The following ZNF385C variants were observed in gnomAD, a reference collection of about 807,000 sequenced individuals.
ZNF385C encodes CTD-2132N18.2.
A neutral mutation model predicts 35.4 loss-of-function variants in ZNF385C; 28 were observed. The ratio of observed to expected loss-of-function variants is 0.79; its 90% CI spans 0.59 to 1.08. The LOEUF is 1.08. Among genes scored for constraint, ZNF385C ranks in the 50% least tolerant of loss-of-function variants. The pLI is 0.00. For missense variants in ZNF385C, 605 were observed against 595.6 expected, an observed-to-expected ratio of 1.02 and a Z score of -0.16; for synonymous variants, 248 against 248.2, an observed-to-expected ratio of 1.00 and a Z score of 0.01.
intron 1 of ZNF385C, among the ~76,000 whole-genome samples, chr17:42,081,867 T>TCAG (rs1340523165): frequency 6.6e-6 from 1 of 152,186 alleles, no homozygotes; most frequent in Non-Finnish European, 1.5e-5. Flanking sequence ...GGGTTCAGAT[T>TCAG]CAGGAGCCTG....
chr17:42,028,368 T>C, intron 6 of ZNF385C, 122 bp from the exon 7 acceptor site: 1 of 1,005,688 alleles, frequency 9.9e-7, no homozygotes, highest in Non-Finnish European at 1.4e-6. Context: ...TGTGCACACA[T>C]CGCCCTCCAG....
chr17:42,026,550 G>C lies in ZNF385C; in HGVS notation c.*347C>G. On this transcript the variant is annotated 3_prime_UTR_variant, in exon 9 of 9. Coordinates refer to ENST00000692273, the MANE Select transcript of ZNF385C (RefSeq NM_001392013.1). ...GAGAGTCGTCCCCTGGCTAGGAGAG[G>C]ATGGCTTGTAGAAGCTAAGATTCCT... 1 of 345,036 alleles carries C rather than the reference G, an allele frequency of 2.9e-6. No individual in the cohort carries two copies. Among genetic ancestry groups the C allele is most frequent in the South Asian group, 2.7e-5 (1 of 37,200 alleles). The allele number at this position is 345,036 out of a possible 1,614,324, so 21.4% of individuals were successfully genotyped here. A position where few individuals can be genotyped will look rare whatever the true frequency, so the allele number is the denominator to read the frequency against.
At chr17:42,033,035 T>C (rs1316955549) in intron 4 of ZNF385C, among the ~76,000 whole-genome samples, 1 of 152,176 alleles carries the variant, frequency 6.6e-6, no homozygotes. Context: ...CTCCTCCATC[T>C]CTTGCAGGAC....
intron 1 of ZNF385C, among the ~76,000 whole-genome samples, chr17:42,089,046 C>G (rs2053838727): frequency 1.3e-5 from 2 of 152,164 alleles, no homozygotes; most frequent in African/African-American, 4.8e-5. Flanking sequence ...TCACTGGTCT[C>G]CCTGCCTCTA....
intron 4 of ZNF385C, among the ~76,000 whole-genome samples, chr17:42,033,333 G>T (rs1325738382): frequency 5.3e-5 from 8 of 152,230 alleles, no homozygotes; most frequent in Non-Finnish European, 1.2e-4. Flanking sequence ...GAAAGTCATA[G>T]ACCTTGGGGT....
intron 1 of ZNF385C, among the ~76,000 whole-genome samples, chr17:42,083,745 G>GTCTC (rs773873470): frequency 2.2e-3 from 164 of 75,998 alleles, no homozygotes; most frequent in Middle Eastern, 0.022. Flanking sequence ...TTGAGACAGA[G>GTCTC]TCTCACTCTG....
intron 1 of ZNF385C, among the ~76,000 whole-genome samples, chr17:42,093,026 C>T (rs1555660700): frequency 6.6e-6 from 1 of 152,220 alleles, no homozygotes; most frequent in African/African-American, 2.4e-5. Flanking sequence ...GGAGTCAGTC[C>T]TTGCCCCACC....
At chr17:42,067,081 AAGAG>A (rs1555658498) in intron 1 of ZNF385C, among the ~76,000 whole-genome samples, 9 of 151,774 alleles carry the variant, frequency 5.9e-5, no homozygotes, top group South Asian at 2.1e-4. Flanking sequence ...AAAAAAAAAA[AAGAG>A]AGAGAGACAG....
rs2052581534 is a variant in ZNF385C at position 42,026,520 on chromosome 17, G to T, written c.*377C>A. ...TGAAGCCCCAAAGCCTAGGAATAGA[G>T]GTCAGAGAGTCGTCCCCTGGCTAGG... is the stretch of plus-strand genomic sequence containing the variant. On this transcript the variant is annotated 3_prime_UTR_variant, in exon 9 of 9. Transcript: ENST00000692273. 3.5e-6 allele frequency: 1 copy of T among 288,336 alleles called. No homozygotes were observed. Among genetic ancestry groups the T allele is most frequent in the African/African-American group, 2.3e-5 (1 of 44,002 alleles). 17.9% of individuals were successfully genotyped at this position (288,336 alleles called of 1,614,324 possible). A position where few individuals can be genotyped will look rare whatever the true frequency, so the allele number is the denominator to read the frequency against.
At chr17:42,048,027 G>C (rs1158782261) in intron 2 of ZNF385C, among the ~76,000 whole-genome samples, 2 of 151,970 alleles carry the variant, frequency 1.3e-5, no homozygotes, top group African/African-American at 4.8e-5. Flanking sequence ...TGGCTTCTAG[G>C]ATCCCATGTT....
At position 42,031,725 on chromosome 17, in the gene ZNF385C, C is replaced by T; in HGVS notation, c.570G>A (p.Glu190=). The stretch of plus-strand genomic sequence containing the variant: ...GTGGCCTCTGCTTGCTCTTGGCAGC[C>T]TCGACAGCCTTGAGTTTTCTGGCGT... ...HKHARKLKAV[E]AAKSKQRPHT... is the part of the protein sequence containing the mutation. The change falls in exon 5 of 9, where the codon GAG becomes GAA. Residue 190 remains glutamate (E), a synonymous_variant. Transcript: ENST00000692273. 1.3e-6 allele frequency: 2 copies of T among 1,550,826 alleles called. No individual in the cohort carries two copies. The highest frequency in any genetic ancestry group is 1.7e-6 in the Non-Finnish European group (2 of 1,147,066).
chr17:42,072,860 C>T (rs1023617271), intron 1 of ZNF385C, among the ~76,000 whole-genome samples: 2 of 152,190 alleles, frequency 1.3e-5, no homozygotes, highest in African/African-American at 2.4e-5. Context: ...CCGCCTACCC[C>T]GGCTGACCAG....
At chr17:42,068,863 G>A (rs946215523) in intron 1 of ZNF385C, among the ~76,000 whole-genome samples, 28 of 152,208 alleles carry the variant, frequency 1.8e-4, no homozygotes, top group Non-Finnish European at 2.4e-4. Context: ...GATGGGTGGG[G>A]AGGGGGCCAC....
At chr17:42,070,385 T>C (rs1555658699) in intron 1 of ZNF385C, among the ~76,000 whole-genome samples, 1 of 152,114 alleles carries the variant, frequency 6.6e-6, no homozygotes. Context: ...GAGAGGGGAT[T>C]GGGCTCCTAG....
At chr17:42,041,173 A>C (rs2143652585) in intron 2 of ZNF385C, 1 of 1,232,486 alleles carries the variant, frequency 8.1e-7, no homozygotes, top group Non-Finnish European at 1.0e-6. Context: ...TGTGTGCAAG[A>C]CACTGGCAAT....
chr17:42,069,167 G>A (rs2053588959), intron 1 of ZNF385C, among the ~76,000 whole-genome samples: 1 of 151,768 alleles, frequency 6.6e-6, no homozygotes, highest in Admixed American at 6.6e-5. Context: ...CTGGGAGGGA[G>A]CCACCCACTT....
chr17:42,084,717 C>G (rs941730769), intron 1 of ZNF385C, among the ~76,000 whole-genome samples: 1 of 151,994 alleles, frequency 6.6e-6, no homozygotes, highest in East Asian at 1.9e-4. Context: ...CTGAAACAAT[C>G]CTCCTGCCTC....
At chr17:42,062,051 G>T (rs2053469957) in intron 2 of ZNF385C, 1 of 152,970 alleles carries the variant, frequency 6.5e-6, no homozygotes, top group East Asian at 1.9e-4. Context: ...AGCCTGGGCT[G>T]CAAGGTAGGT....
Position 42,030,193 on chromosome 17 carries a change from T to C in ZNF385C, c.677-1120A>G, listed in dbSNP as rs947628077. Among the ~76,000 whole-genome samples the C allele has an allele frequency of 7.9e-5, 12 of 151,096 alleles. No homozygotes were observed. The South Asian group carries it at 2.5e-3, about 31-fold the overall frequency. On this transcript the variant is annotated intron_variant, in intron 5 of 8. Transcript: ENST00000692273. ...TTGATGAATGTTTGTGAGAGATGAA[T>C]AAAAACTAGATACCGGCCAGGCAGG...
Sources: gnomAD v4.1 joint callset for allele counts (sites outside exome capture counted in the v4.1 genomes callset) on GRCh38, gnomAD v4.1.1 for gene constraint, MANE v1.5 for transcripts, NCBI Gene and HGNC (gene_info 2026-07-23, HGNC 2026-07-21) for gene names.